NAF1: variants seen among roughly 807,000 people sequenced by gnomAD.
NAF1 encodes H/ACA ribonucleoprotein complex non-core subunit NAF1.
NAF1 carries 11 observed loss-of-function variants against 40.6 expected under a neutral mutation model. The observed-to-expected ratio is 0.27, with a 90% confidence interval of 0.17 to 0.45. NAF1 has a LOEUF of 0.45. Among genes scored for constraint, NAF1 ranks in the 20% least tolerant of loss-of-function variants. The pLI is 1.00. For missense variants in NAF1, 607 were observed against 611.1 expected (o/e 0.99, Z 0.07); for synonymous variants, 260 against 228.5 (o/e 1.14, Z -1.24).
At chr4:163,147,901 G>T (rs887686035) in intron 3 of NAF1, among the ~76,000 whole-genome samples, 1 of 152,108 alleles carries the variant, frequency 6.6e-6, no homozygotes, top group African/African-American at 2.4e-5. Context: ...CAAGGAATGT[G>T]GGCAGGCTCT....
In NAF1 at chr4:163,156,581, C is replaced by G. The variant is rs555640459; in HGVS notation, c.540+7636G>C. ...TAAGACAGCACAATATGGACATCCC[C>G]AACACTGTAGAAAGCTCTATTACAC... On this transcript the variant is annotated intron_variant, in intron 2 of 7. Coordinates refer to ENST00000274054, the MANE Select transcript of NAF1 (RefSeq NM_138386.3). Among the ~76,000 whole-genome samples, 55 of 152,218 alleles carry G rather than the reference C, an allele frequency of 3.6e-4. No homozygotes were observed. The Middle Eastern group carries it at 0.014, about 38-fold the overall frequency.
At chr4:163,108,148 C>G (rs904634404), downstream of NAF1, among the ~76,000 whole-genome samples, 1 of 152,126 alleles carries the variant, frequency 6.6e-6, no homozygotes, top group Admixed American at 6.6e-5. Flanking sequence ...CTTATTTGGG[C>G]TTTCTGAAAA....
chr4:163,137,674 A>T (rs1306470261), intron 5 of NAF1, among the ~76,000 whole-genome samples: 1 of 152,132 alleles, frequency 6.6e-6, no homozygotes, highest in Non-Finnish European at 1.5e-5. Context: ...TTACAGGTTT[A>T]ATGGCAGAGA....
chr4:163,104,332 T>C, the NAF1 span, among the ~76,000 whole-genome samples: 1 of 152,218 alleles, frequency 6.6e-6, no homozygotes, highest in Non-Finnish European at 1.5e-5. Context: ...AATAAGCATG[T>C]AGTTAAGGCT....
At chr4:163,106,058 G>C (rs975315155), downstream of NAF1, among the ~76,000 whole-genome samples, 2 of 151,992 alleles carry the variant, frequency 1.3e-5, no homozygotes, top group African/African-American at 4.8e-5. Context: ...GTTTTTTTGT[G>C]TAAGAAACAC....
At chr4:163,110,141 T>C (rs754239973) in exon 3 of NAF1, 2 of 551,486 alleles carry the variant, frequency 3.6e-6, no homozygotes, top group Non-Finnish European at 3.2e-6. Context: ...GAGGTTCCCA[T>C]GGCAACTCTT....
downstream of NAF1, among the ~76,000 whole-genome samples, chr4:163,107,715 C>T (rs1730071454): frequency 1.3e-5 from 2 of 152,134 alleles, no homozygotes; most frequent in Admixed American, 6.5e-5. Context: ...AAATGGAAAG[C>T]ACAATGTACA....
intron 6 of NAF1, chr4:163,135,474 G>A (rs556628845): frequency 1.1e-4 from 16 of 152,274 alleles, no homozygotes; most frequent in Admixed American, 7.2e-4. Context: ...GCTTAGGTCC[G>A]AAACAAGAGG....
At chr4:163,130,909 C>T (rs1020919689) in intron 7 of NAF1, among the ~76,000 whole-genome samples, 2 of 152,242 alleles carry the variant, frequency 1.3e-5, no homozygotes, top group Non-Finnish European at 2.9e-5. Context: ...GACGGAGTCT[C>T]GCTCTGTAGC....
intron 2 of NAF1, among the ~76,000 whole-genome samples, chr4:163,163,061 C>T (rs887054948): frequency 1.3e-5 from 2 of 152,034 alleles, no homozygotes; most frequent in Non-Finnish European, 2.9e-5. Context: ...TTTCTTTGTT[C>T]GTTATTATAT....
At chr4:163,150,275 T>C (rs1731646965) in intron 2 of NAF1, among the ~76,000 whole-genome samples, 1 of 152,096 alleles carries the variant, frequency 6.6e-6, no homozygotes, top group African/African-American at 2.4e-5. Context: ...GTTCCTATTT[T>C]TACAAAAGGA....
chr4:163,123,945 T>A (rs531154586), downstream of NAF1, among the ~76,000 whole-genome samples: 11 of 152,312 alleles, frequency 7.2e-5, no homozygotes, highest in South Asian at 2.3e-3. Flanking sequence ...ACTGTAAGAT[T>A]AAGGTGAGGA....
At chr4:163,116,553 T>C (rs1355897061) in intron 2 of NAF1, among the ~76,000 whole-genome samples, 1 of 152,196 alleles carries the variant, frequency 6.6e-6, no homozygotes, top group Non-Finnish European at 1.5e-5. Flanking sequence ...TCTTCTTCTC[T>C]TCCTCAATTC....
intron 1 of NAF1, 108 bp from the exon 2 acceptor site, chr4:163,164,499 T>C: frequency 1.3e-6 from 1 of 769,556 alleles, no homozygotes; most frequent in South Asian, 2.8e-5. Flanking sequence ...TTACTATTGC[T>C]TATTCTAATA....
chr4:163,139,374 T>C, intron 5 of NAF1, among the ~76,000 whole-genome samples: 1 of 152,128 alleles, frequency 6.6e-6, no homozygotes, highest in East Asian at 1.9e-4. Flanking sequence ...TCTTTGGCAG[T>C]CTTTTCTTCC....
intron 5 of NAF1, 46 bp from the exon 6 acceptor site, chr4:163,137,296 C>A: frequency 6.4e-7 from 1 of 1,568,864 alleles, no homozygotes; most frequent in Non-Finnish European, 8.6e-7. Flanking sequence ...CATCACAATT[C>A]TATTAAGTGC....
intron 4 of NAF1, chr4:163,143,929 A>C: frequency 1.5e-6 from 1 of 679,696 alleles, no homozygotes; most frequent in Non-Finnish European, 1.8e-6. Context: ...TAGTTAGGCA[A>C]ACTGATCATT....
rs769499801 is a variant in NAF1 at position 163,164,334 on chromosome 4, C to T, written c.423G>A (p.Ser141=). Residue 141 remains serine (S), a synonymous_variant, in exon 2 of 8, where the codon TCG becomes TCA. Transcript: ENST00000274054. The part of the protein sequence containing the change: ...SSSSSSSSSS[S]SSSSCISLPP... ...GAAGTGATATACAAGAGGAAGAAGA[C>T]GACGATGAGGAAGATGAAGAGGAAG... 8 of 1,598,326 alleles carry T rather than the reference C, an allele frequency of 5.0e-6. No homozygotes were observed. Among genetic ancestry groups the T allele is most frequent in the Admixed American group, 3.4e-5 (2 of 57,994 alleles).
intron 7 of NAF1, among the ~76,000 whole-genome samples, chr4:163,131,282 G>C (rs1281147245): frequency 6.6e-6 from 1 of 152,074 alleles, no homozygotes; most frequent in African/African-American, 2.4e-5. Flanking sequence ...TCTGCTCCAC[G>C]AAAGATACTA....
Sources: allele counts gnomAD v4.1 joint callset (sites outside exome capture counted in the v4.1 genomes callset), GRCh38; gene constraint gnomAD v4.1.1; transcripts MANE v1.5; gene names NCBI Gene and HGNC (gene_info 2026-07-23, HGNC 2026-07-21).